The following CA5A variants were observed in gnomAD, a reference collection of about 807,000 sequenced individuals.
CA5A encodes carbonic anhydrase 5A, also known as carbonic anhydrase 5A, mitochondrial.
A neutral mutation model predicts 37.1 loss-of-function variants in CA5A; 28 were observed. That is an observed-to-expected ratio of 0.75 (90% confidence interval 0.56 to 1.03). CA5A has a LOEUF of 1.03. CA5A is among the 50% of genes least tolerant of loss of function. CA5A has a pLI of 0.00. For missense variants in CA5A, 444 were observed against 399.9 expected (o/e 1.11, Z -0.94); for synonymous variants, 171 against 158.4 (o/e 1.08, Z -0.60).
chr16:87,926,215 T>G (rs1406791630), intron 2 of CA5A, among the ~76,000 whole-genome samples: 1 of 131,178 alleles, frequency 7.6e-6, no homozygotes, highest in Non-Finnish European at 1.7e-5. Context: ...CAAGACTCTG[T>G]CTCAATATAA....
Position 87,902,283 on chromosome 16 carries a change from G to A in CA5A, c.555+142C>T, listed in dbSNP as rs1178704774. The A allele has an allele frequency of 5.2e-5, 33 of 640,198 alleles. No homozygotes were observed. In the East Asian group the frequency reaches 8.5e-4, roughly 17 times the overall value. The allele number at this position is 640,198 out of a possible 1,614,324, so 39.7% of individuals were successfully genotyped here. ...GCAGGAGAATCACTTGAACCCAGGA[G>A]GTGCAGGTTGCAATGAGCCGAGACT... On this transcript the variant is annotated intron_variant, in intron 4 of 6. Transcript: ENST00000649794.
intron 2 of CA5A, among the ~76,000 whole-genome samples, chr16:87,916,841 G>A (rs541031278): frequency 5.9e-5 from 9 of 152,188 alleles, no homozygotes; most frequent in African/African-American, 9.6e-5. Context: ...GGTGGCTCAC[G>A]CCTGTAATCC....
At chr16:87,930,165 G>T (rs2056382950) in intron 1 of CA5A, among the ~76,000 whole-genome samples, 1 of 152,106 alleles carries the variant, frequency 6.6e-6, no homozygotes, top group Non-Finnish European at 1.5e-5. Flanking sequence ...CTCAGCAGGG[G>T]GTTGGTCATT....
At chr16:87,887,936 A>C, downstream of CA5A, 1 of 757,966 alleles carries the variant, frequency 1.3e-6, no homozygotes, top group African/African-American at 1.8e-5. Flanking sequence ...ACACCCCTCC[A>C]TCCCAGCGTT....
At chr16:87,915,499 G>A (rs2056124321) in intron 2 of CA5A, among the ~76,000 whole-genome samples, 1 of 150,232 alleles carries the variant, frequency 6.7e-6, no homozygotes, top group South Asian at 2.1e-4. Context: ...CTTCAGCTTG[G>A]GCAACAGTAC....
chr16:87,896,871 C>A (rs2143926174), intron 5 of CA5A, among the ~76,000 whole-genome samples: 1 of 152,354 alleles, frequency 6.6e-6, no homozygotes, highest in South Asian at 2.1e-4. Context: ...AACTCCTGAC[C>A]TCAGGTGATC....
intron 5 of CA5A, among the ~76,000 whole-genome samples, chr16:87,901,155 G>T (rs1232220707): frequency 1.3e-5 from 2 of 152,164 alleles, no homozygotes; most frequent in Non-Finnish European, 2.9e-5. Context: ...GCTTGAACCC[G>T]GGAGGCGGAG....
intron 2 of CA5A, among the ~76,000 whole-genome samples, 173 bp downstream of exon 2, chr16:87,926,575 C>A (rs112993191): frequency 7.0e-4 from 106 of 152,372 alleles, no homozygotes; most frequent in African/African-American, 2.4e-3. Context: ...CCCTCGAGAA[C>A]CTTCACACCA....
At chr16:87,896,413 G>A (rs1350712913) in intron 5 of CA5A, among the ~76,000 whole-genome samples, 1 of 152,226 alleles carries the variant, frequency 6.6e-6, no homozygotes, top group Non-Finnish European at 1.5e-5. Context: ...GAGCAGCCAT[G>A]TGGTTACAGA....
chr16:87,907,857 C>A (rs564495350), intron 2 of CA5A, among the ~76,000 whole-genome samples: 3 of 152,038 alleles, frequency 2.0e-5, no homozygotes, highest in Non-Finnish European at 4.4e-5. Context: ...ACTTGGCAGG[C>A]GGAGGTTGCA....
intron 1 of CA5A, among the ~76,000 whole-genome samples, chr16:87,933,724 T>C (rs2056436640): frequency 6.6e-6 from 1 of 152,192 alleles, no homozygotes; most frequent in Non-Finnish European, 1.5e-5. Flanking sequence ...TCTTTGACTT[T>C]TCTCTCAAGG....
At chr16:87,912,439 G>A (rs1483782416) in intron 2 of CA5A, among the ~76,000 whole-genome samples, 2 of 152,238 alleles carry the variant, frequency 1.3e-5, no homozygotes, top group Admixed American at 6.5e-5. Context: ...TAAAGACGTC[G>A]AAAGATAAAT....
intron 1 of CA5A, among the ~76,000 whole-genome samples, chr16:87,931,844 G>A (rs999494309): frequency 6.6e-6 from 1 of 152,214 alleles, no homozygotes; most frequent in East Asian, 1.9e-4. Context: ...GGGAGCCGGC[G>A]GCCACAACAG....
In CA5A at chr16:87,912,945, G is replaced by A. The variant is rs541361576; in HGVS notation, c.341-8041C>T. Among the ~76,000 whole-genome samples the A allele has an allele frequency of 8.5e-5, 13 of 152,286 alleles. No individual in the cohort carries two copies. The South Asian group carries it at 2.7e-3, about 32-fold the overall frequency. On this transcript the variant is annotated intron_variant, in intron 2 of 6. Coordinates refer to ENST00000649794, the MANE Select transcript of CA5A (RefSeq NM_001739.2). ...CAGGGGCAACAGGGTCGGCGCCGGT[G>A]GTGGCTAAAGGAAGTGGGGCCTTCG...
intron 1 of CA5A, among the ~76,000 whole-genome samples, chr16:87,930,958 C>T (rs1020373945): frequency 1.7e-4 from 26 of 151,808 alleles, no homozygotes; most frequent in Admixed American, 1.3e-3. Context: ...CTAGGATGGT[C>T]TCGATCTCCT....
At chr16:87,889,600 C>T (rs1355065656) in intron 6 of CA5A, among the ~76,000 whole-genome samples, 1 of 151,556 alleles carries the variant, frequency 6.6e-6, no homozygotes. Context: ...ATGGAGAAAC[C>T]CTGTTTCTAC....
chr16:87,919,922 A>C (rs1263365695), intron 2 of CA5A, among the ~76,000 whole-genome samples: 1 of 152,122 alleles, frequency 6.6e-6, no homozygotes, highest in Non-Finnish European at 1.5e-5. Context: ...GAGTATTTGC[A>C]CCATGGAAAG....
At chr16:87,889,386 G>A (rs1238573337) in intron 6 of CA5A, among the ~76,000 whole-genome samples, 1 of 152,030 alleles carries the variant, frequency 6.6e-6, no homozygotes, top group African/African-American at 2.4e-5. Context: ...ACTATGTTTT[G>A]GAGCTATTTG....
chr16:87,891,768 C>T (rs897107327), intron 6 of CA5A, 31 bp downstream of exon 6: 32 of 1,461,282 alleles, frequency 2.2e-5, no homozygotes, highest in Admixed American at 8.8e-5. Flanking sequence ...TTCCATGAAG[C>T]GCCATCGTGC....
Sources: gnomAD v4.1 joint callset for allele counts (sites outside exome capture counted in the v4.1 genomes callset) on GRCh38, gnomAD v4.1.1 for gene constraint, MANE v1.5 for transcripts, NCBI Gene and HGNC (gene_info 2026-07-23, HGNC 2026-07-21) for gene names.